Variants in ZNF827 observed in about 807,000 individuals in gnomAD.
ZNF827 encodes zinc finger protein 827.
A neutral mutation model predicts 102.4 loss-of-function variants in ZNF827; 13 were observed. That is an observed-to-expected ratio of 0.13 (90% CI 0.08 to 0.20). ZNF827 has a LOEUF of 0.20. ZNF827 is among the 10% of genes least tolerant of loss of function. The probability of loss-of-function intolerance (pLI) is 1.00; values close to 1 mark genes in which losing one functional copy is unlikely to be tolerated. For missense variants in ZNF827, 1,103 were observed against 1,344.4 expected (o/e 0.82, Z 2.81); for synonymous variants, 523 against 536.2 (o/e 0.98, Z 0.34).
chr4:145,877,512 C>G (rs986327276), intron 4 of ZNF827, among the ~76,000 whole-genome samples: 1 of 152,040 alleles, frequency 6.6e-6, no homozygotes, highest in Non-Finnish European at 1.5e-5. Context: ...TTTAATTTCC[C>G]TTAAATCATT....
intron 7 of ZNF827, among the ~76,000 whole-genome samples, chr4:145,844,248 G>A (rs564219978): frequency 4.0e-5 from 6 of 151,898 alleles, no homozygotes; most frequent in South Asian, 2.1e-4. Context: ...TCCATCCCCC[G>A]AAAGCCATTT....
intron 8 of ZNF827, among the ~76,000 whole-genome samples, chr4:145,811,973 G>A (rs1480570664): frequency 2.0e-5 from 3 of 151,862 alleles, no homozygotes; most frequent in African/African-American, 4.8e-5. Flanking sequence ...GGAGTGCAGT[G>A]GCACAGTCTG....
chr4:145,780,395 T>C (rs888350612), intron 8 of ZNF827, among the ~76,000 whole-genome samples: 1 of 152,230 alleles, frequency 6.6e-6, no homozygotes, highest in African/African-American at 2.4e-5. Flanking sequence ...CCACACGCTG[T>C]GCCACAGAAA....
chr4:145,872,186 C>T (rs192710583), intron 4 of ZNF827, among the ~76,000 whole-genome samples: 182 of 152,220 alleles, frequency 1.2e-3, no homozygotes, highest in African/African-American at 2.0e-3. Context: ...CTTCATATGT[C>T]GAAGCCCTAA....
At chr4:145,868,388 C>G (rs775694071) in intron 5 of ZNF827, among the ~76,000 whole-genome samples, 1 of 152,098 alleles carries the variant, frequency 6.6e-6, no homozygotes, top group Non-Finnish European at 1.5e-5. Context: ...TAATTGTTGT[C>G]AGTCTTCAAA....
At chr4:145,848,038 T>A (rs900797416) in intron 6 of ZNF827, among the ~76,000 whole-genome samples, 2 of 152,210 alleles carry the variant, frequency 1.3e-5, no homozygotes, top group African/African-American at 4.8e-5. Context: ...AGACCCAAAC[T>A]TTTTAGCTGA....
At chr4:145,839,546 C>G (rs948291571) in intron 7 of ZNF827, 1 of 152,228 alleles carries the variant, frequency 6.6e-6, no homozygotes, top group Non-Finnish European at 1.5e-5. Flanking sequence ...TGTGGATGGT[C>G]TCCTGGCCCA....
chr4:145,867,962 T>C (rs1432897689), intron 5 of ZNF827, among the ~76,000 whole-genome samples: 1 of 152,332 alleles, frequency 6.6e-6, no homozygotes, highest in African/African-American at 2.4e-5. Context: ...GGGCATGAAC[T>C]ATGAAATTGT....
At chr4:145,768,607 A>G (rs1240454475) in intron 11 of ZNF827, among the ~76,000 whole-genome samples, 1 of 151,764 alleles carries the variant, frequency 6.6e-6, no homozygotes, top group African/African-American at 2.4e-5. Flanking sequence ...GTTAGGGGAG[A>G]AAATATAGGG....
At chr4:145,855,524 AT>A (rs1460168374) in intron 5 of ZNF827, among the ~76,000 whole-genome samples, 1 of 152,208 alleles carries the variant, frequency 6.6e-6, no homozygotes, top group Non-Finnish European at 1.5e-5. Flanking sequence ...CCATGGTAAC[AT>A]CTTTATCTTG....
intron 7 of ZNF827, chr4:145,831,297 G>A (rs1020606224): frequency 3.9e-5 from 6 of 152,200 alleles, no homozygotes; most frequent in African/African-American, 1.4e-4. Context: ...TGACCCCAGT[G>A]GGTTAGGCCT....
At chr4:145,863,716 T>C (rs186637087) in intron 5 of ZNF827, among the ~76,000 whole-genome samples, 36 of 139,456 alleles carry the variant, frequency 2.6e-4, no homozygotes. Flanking sequence ...CATGGTTGCC[T>C]GGGTGGGGGG....
At chr4:145,907,465 G>A (rs1751959852) in intron 1 of ZNF827, among the ~76,000 whole-genome samples, 2 of 152,180 alleles carry the variant, frequency 1.3e-5, no homozygotes, top group South Asian at 4.1e-4. Context: ...GAACATGCAA[G>A]CCTTGACTTT....
In ZNF827 at chr4:145,765,623, G is replaced by T; in HGVS notation, c.2976C>A (p.Gly992=). The change falls in exon 12 of 15, where the codon GGC becomes GGA. Residue 992 remains glycine, a synonymous_variant. Transcript: ENST00000508784. This position sits in a 1 kb window ranked among gnomAD's most constrained non-coding sequence, Gnocchi z 4.7. ...CAGAGATGACCAGCAGATTGTTCCC[G>T]CCCTTGTTTTTCTGGGAGCCATCTG... The part of the protein sequence containing the change: ...DDSDGSQKNK[G]GNNLLVISVM... 6.2e-7 allele frequency: 1 copy of T among 1,614,038 alleles called. No individual in the cohort carries two copies. Among genetic ancestry groups the T allele is most frequent in the Non-Finnish European group, 8.5e-7 (1 of 1,179,994 alleles).
chr4:145,900,258 C>A (rs4835265), intron 2 of ZNF827, among the ~76,000 whole-genome samples: 23,339 of 152,222 alleles, frequency 0.15, 2,565 homozygotes, highest in East Asian at 0.42. Flanking sequence ...TCAGTCACTT[C>A]TTTCCAAGTC....
At chr4:145,770,914 C>T (rs1432734661) in intron 11 of ZNF827, 1 of 152,168 alleles carries the variant, frequency 6.6e-6, no homozygotes, top group Non-Finnish European at 1.5e-5. Flanking sequence ...CTCCGCAGGG[C>T]AACAGCAATG....
At chr4:145,830,641 C>T (rs1223312118) in intron 7 of ZNF827, 1 of 151,942 alleles carries the variant, frequency 6.6e-6, no homozygotes, top group Non-Finnish European at 1.5e-5. Flanking sequence ...GCTTATATTT[C>T]TTTTCATATA....
At chr4:145,862,349 A>G (rs1747808476) in intron 5 of ZNF827, among the ~76,000 whole-genome samples, 2 of 152,176 alleles carry the variant, frequency 1.3e-5, no homozygotes, top group Non-Finnish European at 1.5e-5. Context: ...GACCTTCAAG[A>G]GAAGATTTCT....
At chr4:145,884,182 G>A (rs1398227912) in intron 4 of ZNF827, among the ~76,000 whole-genome samples, 3 of 151,958 alleles carry the variant, frequency 2.0e-5, no homozygotes, top group African/African-American at 4.8e-5. Flanking sequence ...TACATTCCCC[G>A]CTCTTTGCCT....
Sources: gnomAD v4.1 joint callset for allele counts (sites outside exome capture counted in the v4.1 genomes callset) on GRCh38, gnomAD v4.1.1 for gene constraint, Gnocchi (gnomAD v3.1) non-coding constraint, MANE v1.5 for transcripts, NCBI Gene and HGNC (gene_info 2026-07-23, HGNC 2026-07-21) for gene names.